SOCS2: variants seen among roughly 807,000 people sequenced by gnomAD.
SOCS2 encodes the protein suppressor of cytokine signaling 2, also known as CIS-2.
Under a neutral mutation model 18.6 loss-of-function variants are expected in SOCS2, and 10 were observed. That is an observed-to-expected ratio of 0.54 (90% confidence interval 0.33 to 0.91). The LOEUF (loss-of-function observed/expected upper bound fraction) is 0.91, where lower values mean the gene tolerates loss of function less well. Ranked by LOEUF, SOCS2 falls within the 40% of genes least tolerant of loss-of-function variation. The probability of loss-of-function intolerance (pLI) is 0.02; values close to 1 mark genes in which losing one functional copy is unlikely to be tolerated. For missense variants in SOCS2, 231 were observed against 247.2 expected (o/e 0.93, Z 0.44); for synonymous variants, 104 against 104.0 (o/e 1.00, Z 0.00).
chr12:93,623,808 G>A, the SOCS2 span, among the ~76,000 whole-genome samples: 11 of 152,056 alleles, frequency 7.2e-5, no homozygotes, highest in African/African-American at 1.9e-4. Flanking sequence ...GAGCTCAAGC[G>A]ATTCTCCTGC....
Position 93,575,415 on chromosome 12 carries a change from C to T in SOCS2, c.*236C>T, listed in dbSNP as rs567646711. On this transcript the variant is annotated 3_prime_UTR_variant, in exon 2 of 2. Coordinates refer to ENST00000551556, the MANE Select transcript of SOCS2 (RefSeq NM_001270471.2). ...TAAGGCTGACCAAGACCTGTTGATC[C>T]TTTTAGATTAAAAATAAAATGTCGC... 16 of 272,264 alleles carry T rather than the reference C, an allele frequency of 5.9e-5. No homozygotes were observed. In the South Asian group the frequency reaches 2.0e-3, roughly 33 times the overall value. The allele number at this position is 272,264 out of a possible 1,614,324, so 16.9% of individuals were successfully genotyped here. A position where few individuals can be genotyped will look rare whatever the true frequency, so the allele number is the denominator to read the frequency against.
At chr12:93,605,865 T>C in the SOCS2 span, among the ~76,000 whole-genome samples, 1 of 152,244 alleles carries the variant, frequency 6.6e-6, no homozygotes, top group Non-Finnish European at 1.5e-5. Context: ...TACTGAGTTC[T>C]TTATAATGTG....
rs1040467553 is a variant in SOCS2 at position 93,574,431 on chromosome 12, G to A, written c.140-291G>A. ...TCAGCCAGTGTGTCATGCTGCAGAT[G>A]TTCTTTTGGTTCATTAGAAGAAAAT... On this transcript the variant is annotated intron_variant, in intron 1 of 1. Coordinates refer to ENST00000551556, the MANE Select transcript of SOCS2 (RefSeq NM_001270471.2). The A allele has an allele frequency of 3.1e-5, 8 of 260,876 alleles. No homozygotes were observed. The Admixed American group carries it at 3.9e-4, about 13-fold the overall frequency. 16.2% of individuals were successfully genotyped at this position (260,876 alleles called of 1,614,324 possible).
chr12:93,608,000 C>CTTTTTTTTT, the SOCS2 span, among the ~76,000 whole-genome samples: 1 of 124,464 alleles, frequency 8.0e-6, no homozygotes, highest in Non-Finnish European at 1.7e-5. Context: ...GACTGTAAAT[C>CTTTTTTTTT]TTTTTTTTTT....
intron 1 of SOCS2, chr12:93,573,334 G>T: frequency 2.0e-6 from 1 of 501,458 alleles, no homozygotes; most frequent in African/African-American, 2.0e-5. Context: ...AGGCTCCCGG[G>T]CTCGAACCCC....
the SOCS2 span, among the ~76,000 whole-genome samples, chr12:93,604,841 T>A: frequency 1.3e-5 from 2 of 151,954 alleles, no homozygotes; most frequent in Non-Finnish European, 2.9e-5. Flanking sequence ...TTTTCTTTTT[T>A]GTAGAGACAG....
downstream of SOCS2, among the ~76,000 whole-genome samples, chr12:93,587,545 G>A (rs562139852): frequency 2.7e-4 from 41 of 151,972 alleles, no homozygotes; most frequent in Admixed American, 2.6e-3. Flanking sequence ...GCCGGGCGTG[G>A]TGGCACGCGC....
chr12:93,585,972 C>G (rs1194166084), downstream of SOCS2, among the ~76,000 whole-genome samples: 2 of 152,052 alleles, frequency 1.3e-5, no homozygotes, highest in Non-Finnish European at 2.9e-5. Flanking sequence ...CATGTAAATA[C>G]TATGTAAATA....
the SOCS2 span, among the ~76,000 whole-genome samples, chr12:93,589,344 C>T: frequency 6.6e-6 from 1 of 152,120 alleles, no homozygotes; most frequent in Non-Finnish European, 1.5e-5. Flanking sequence ...CCTTGACATT[C>T]TGGGAATTTT....
chr12:93,571,400 T>A (rs1954247670), upstream of SOCS2: 1 of 152,394 alleles, frequency 6.6e-6, no homozygotes, highest in Non-Finnish European at 1.5e-5. Flanking sequence ...GCCTGCTTTC[T>A]CCAGCCCCTT....
rs1367085493 is a variant in SOCS2, at chr12:93,575,638, T to A, written c.*459T>A. ...ATCAGAGTCTCTTGGGCATTTTATA[T>A]TTTGCATTCTGATGTACCTAGGAGT... is the stretch of plus-strand genomic sequence containing the variant. On this transcript the variant is annotated 3_prime_UTR_variant, in exon 2 of 2. Transcript: ENST00000551556. 2 of 153,280 alleles carry A rather than the reference T, an allele frequency of 1.3e-5. No individual in the cohort carries two copies. The highest frequency in any genetic ancestry group is 2.9e-5 in the Non-Finnish European group (2 of 68,536). The allele number at this position is 153,280 out of a possible 1,614,324, so 9.5% of individuals were successfully genotyped here.
chr12:93,614,587 C>CT, the SOCS2 span, among the ~76,000 whole-genome samples: 2 of 97,862 alleles, frequency 2.0e-5, no homozygotes, highest in African/African-American at 9.8e-5. Context: ...TTCTTTCTTT[C>CT]TTTCTTTCTT....
the SOCS2 span, among the ~76,000 whole-genome samples, chr12:93,619,412 C>A: frequency 6.6e-6 from 1 of 152,120 alleles, no homozygotes; most frequent in Non-Finnish European, 1.5e-5. Context: ...CCTAGCCAAC[C>A]CTACATTGCT....
At chr12:93,611,034 T>A in the SOCS2 span, among the ~76,000 whole-genome samples, 63 of 152,212 alleles carry the variant, frequency 4.1e-4, no homozygotes, top group African/African-American at 1.4e-3. Context: ...AGGAGGCTGG[T>A]GTTTTAACTC....
At chr12:93,594,132 T>G in the SOCS2 span, among the ~76,000 whole-genome samples, 8 of 152,336 alleles carry the variant, frequency 5.3e-5, no homozygotes, top group Admixed American at 2.6e-4. Flanking sequence ...TTTTTTGAAA[T>G]AAAAAGGGAA....
chr12:93,614,607 CTTTCTTTCTTTCTTTCTTTCTTTCTTTT>C, the SOCS2 span, among the ~76,000 whole-genome samples: 1 of 107,668 alleles, frequency 9.3e-6, no homozygotes, highest in African/African-American at 4.0e-5. Context: ...TTCTTTCTTT[CTTTCTTTCTTTCTTTCTTTCTTTCTTTT>C]GATGGAGTCT....
chr12:93,590,038 G>C, the SOCS2 span, among the ~76,000 whole-genome samples: 1 of 152,060 alleles, frequency 6.6e-6, no homozygotes, highest in Non-Finnish European at 1.5e-5. Flanking sequence ...CGGATCATGA[G>C]GTCAGGAGTT....
At position 93,575,109 on chromosome 12, in the gene SOCS2, G is replaced by T; in HGVS notation, c.527G>T (p.Gly176Val). The T allele has an allele frequency of 6.2e-7, 1 of 1,608,424 alleles. No homozygotes were observed. Among genetic ancestry groups the T allele is most frequent in the Non-Finnish European group, 8.5e-7 (1 of 1,178,216 alleles). The change falls in exon 2 of 2, where the codon GGT (glycine) becomes GTT (valine). Residue 176 changes from glycine to valine, a missense_variant. By Grantham distance (109) the Gly-to-Val change is moderately radical. This residue lies in a region of SOCS2 where 122 missense variants were observed against 127.2 expected (regional missense o/e 0.96). Transcript: ENST00000551556. ...LCRLTINKCT[G>V]AIWGLPLPTR... The stretch of plus-strand genomic sequence containing the variant: ...AGGCTCACCATTAACAAATGTACCG[G>T]TGCCATCTGGGGACTGCCTTTACCA...
intron 1 of SOCS2, 184 bp downstream of exon 1, chr12:93,573,220 C>A (rs1366259517): frequency 1.3e-6 from 1 of 746,456 alleles, no homozygotes; most frequent in East Asian, 2.7e-5. Context: ...AAGTGGTTCT[C>A]CAGGGACTCA....
Sources: gnomAD v4.1 joint callset for allele counts (sites outside exome capture counted in the v4.1 genomes callset) on GRCh38, gnomAD v4.1.1 for gene constraint, gnomAD v4.1.1 regional missense constraint, MANE v1.5 for transcripts, NCBI Gene and HGNC (gene_info 2026-07-23, HGNC 2026-07-21) for gene names.